Variants in ARHGAP8 observed in about 807,000 individuals in gnomAD.
The protein encoded by ARHGAP8 is rho GTPase-activating protein 8.
A neutral mutation model predicts 46.1 loss-of-function variants in ARHGAP8; 62 were observed. The ratio of observed to expected loss-of-function variants is 1.34; its 90% confidence interval spans 1.10 to 1.66. The LOEUF is 1.66. ARHGAP8 is among the 40% of genes most tolerant of loss of function. The probability of loss-of-function intolerance (pLI) is 0.00; values close to 1 mark genes in which losing one functional copy is unlikely to be tolerated. For synonymous variants in ARHGAP8, 375 were observed against 243.1 expected (o/e 1.54, Z -5.05); for missense variants, 923 against 568.4 (o/e 1.62, Z -6.34).
intron 2 of ARHGAP8, 35 bp from the exon 3 acceptor site, chr22:44,802,042 G>A (rs764904016): frequency 1.1e-5 from 18 of 1,611,080 alleles, no homozygotes; most frequent in Non-Finnish European, 1.5e-5. Context: ...CTAGGAGAAG[G>A]TGGCACAGAG....
At chr22:44,816,789 G>A (rs1371619785) in intron 5 of ARHGAP8, among the ~76,000 whole-genome samples, 3 of 121,870 alleles carry the variant, frequency 2.5e-5, no homozygotes, top group Admixed American at 8.9e-5. Context: ...TGGGCAACAA[G>A]CAAGACCCTG....
At chr22:44,810,236 CTTTTTTTTTTTTTT>C (rs58029838) in intron 4 of ARHGAP8, among the ~76,000 whole-genome samples, 1 of 98,874 alleles carries the variant, frequency 1.0e-5, no homozygotes, top group South Asian at 3.8e-4. Flanking sequence ...ATATGGCAGC[CTTTTTTTTTTTTTT>C]TTTTTTTTTG....
intron 1 of ARHGAP8, among the ~76,000 whole-genome samples, chr22:44,756,318 T>A (rs1924668419): frequency 6.6e-6 from 1 of 152,140 alleles, no homozygotes; most frequent in Admixed American, 6.5e-5. Context: ...ACAGGAAAGG[T>A]TGACCCCGTG....
intron 1 of ARHGAP8, among the ~76,000 whole-genome samples, chr22:44,785,102 G>T (rs766643706): frequency 6.6e-6 from 1 of 152,156 alleles, no homozygotes; most frequent in African/African-American, 2.4e-5. Context: ...CTCAGGCCCC[G>T]CCTCACGCTC....
At chr22:44,760,017 C>T (rs1925007813) in intron 1 of ARHGAP8, among the ~76,000 whole-genome samples, 1 of 152,132 alleles carries the variant, frequency 6.6e-6, no homozygotes, top group Non-Finnish European at 1.5e-5. Context: ...TTAGAGACCC[C>T]CTTGCCCTTT....
At chr22:44,803,695 C>T (rs1256208602) in intron 3 of ARHGAP8, among the ~76,000 whole-genome samples, 1 of 113,424 alleles carries the variant, frequency 8.8e-6, no homozygotes, top group Non-Finnish European at 1.9e-5. Flanking sequence ...ACACCCCCTC[C>T]CAGGAACACA....
In ARHGAP8 at chr22:44,861,489, T is replaced by G. The variant is rs116663231; in HGVS notation, c.982-786T>G. Among the ~76,000 whole-genome samples, 1,148 of 152,176 alleles carry G rather than the reference T, an allele frequency of 7.5e-3. 15 individuals carry two copies. The highest frequency in any genetic ancestry group is 0.026 in the African/African-American group (1,074 of 41,508). ...GCAGCCAGGGGGAGCCTGAAAGGCA[T>G]CCAGCCATCTCACCTGAGCATCCTC... On this transcript the variant is annotated intron_variant, in intron 11 of 11. Transcript: ENST00000356099.
intron 5 of ARHGAP8, among the ~76,000 whole-genome samples, chr22:44,818,085 G>A (rs907242395): frequency 2.0e-5 from 3 of 152,186 alleles, no homozygotes; most frequent in Admixed American, 6.5e-5. Context: ...CTGCACTCCA[G>A]CCTGGGCGAC....
chr22:44,779,196 T>C (rs1446450009), intron 1 of ARHGAP8, among the ~76,000 whole-genome samples: 1 of 148,124 alleles, frequency 6.8e-6, no homozygotes, highest in African/African-American at 2.5e-5. Flanking sequence ...GCCTCTTGGG[T>C]TCAAGCGATT....
chr22:44,815,198 C>T (rs1053306043), intron 5 of ARHGAP8, among the ~76,000 whole-genome samples: 8 of 152,314 alleles, frequency 5.3e-5, no homozygotes, highest in South Asian at 2.1e-4. Context: ...CTGCCCTCTC[C>T]GGGCGGATTC....
intron 1 of ARHGAP8, among the ~76,000 whole-genome samples, chr22:44,784,747 G>C (rs1927090225): frequency 6.6e-6 from 1 of 152,220 alleles, no homozygotes; most frequent in South Asian, 2.1e-4. Context: ...CCAGGGAGCG[G>C]GATGTGGACC....
At position 44,772,215 on chromosome 22, in the gene ARHGAP8, T is replaced by G. The variant is rs1175529546; in HGVS notation, c.-71-14242T>G. ...TGTTTTTATGTTTCTGTTTTACTACTGTTTTGCCTTTTTTTTTTTTTTTTT... is the reference window on the plus strand; with the variant it reads ...TGTTTTTATGTTTCTGTTTTACTACGGTTTTGCCTTTTTTTTTTTTTTTTT... On this transcript the variant is annotated intron_variant, in intron 1 of 11. Transcript: ENST00000356099. 2.0e-5 allele frequency among the ~76,000 whole-genome samples: 3 copies of G among 146,794 alleles called. No individual in the cohort carries two copies. The Admixed American group carries it at 2.1e-4, about 10-fold the overall frequency.
rs41278889 is a variant in ARHGAP8 at position 44,862,463 on chromosome 22, C to A, written c.1170C>A (p.His390Gln). 2 of 1,613,968 alleles carry A rather than the reference C, an allele frequency of 1.2e-6. No homozygotes were observed. Among genetic ancestry groups the A allele is most frequent in the East Asian group, 2.2e-5 (1 of 44,866 alleles). ...IFSTPEAPGE[H>Q]GLAPWEQGSR... ...GCACCCCGGAGGCACCTGGGGAGCA[C>A]GGCCTGGCACCATGGGAACAGGGGA... The change falls in exon 12 of 12, where the codon CAC becomes CAA. Residue 390 changes from histidine (H) to glutamine (Q), a missense_variant. By Grantham distance (24) the His-to-Gln change is conservative (BLOSUM62 0). Coordinates refer to ENST00000356099, the MANE Select transcript of ARHGAP8 (RefSeq NM_181335.3).
intron 1 of ARHGAP8, among the ~76,000 whole-genome samples, chr22:44,769,127 G>C (rs1340563423): frequency 6.6e-6 from 1 of 152,202 alleles, no homozygotes; most frequent in East Asian, 1.9e-4. Context: ...GAGGCACCGT[G>C]CCCGGCCTAA....
chr22:44,760,808 C>T (rs1193759769), intron 1 of ARHGAP8, among the ~76,000 whole-genome samples: 1 of 152,186 alleles, frequency 6.6e-6, no homozygotes, highest in African/African-American at 2.4e-5. Context: ...CTGTTCGGGT[C>T]CATGTCTAAT....
In ARHGAP8 at chr22:44,755,215, T is replaced by C. The variant is rs3788617; in HGVS notation, c.-72+2588T>C. Among the ~76,000 whole-genome samples the C allele has an allele frequency of 1.7e-4, 26 of 152,338 alleles. No individual in the cohort carries two copies. In the East Asian group the frequency reaches 3.5e-3, roughly 20 times the overall value. On this transcript the variant is annotated intron_variant, in intron 1 of 11. Transcript: ENST00000356099. ...GAGAGCCAGGCTTGGAAGCCAGCGG[T>C]GCTGCAGCTACAGTGTTCCCCGTGT...
At chr22:44,811,535 C>T (rs993046571) in intron 4 of ARHGAP8, among the ~76,000 whole-genome samples, 2 of 152,306 alleles carry the variant, frequency 1.3e-5, no homozygotes, top group East Asian at 1.9e-4. Flanking sequence ...CAGACTTGTT[C>T]TGTGTGACTC....
At chr22:44,828,680 T>C (rs5765039) in intron 7 of ARHGAP8, among the ~76,000 whole-genome samples, 136,764 of 151,472 alleles carry the variant, frequency 0.9, 62,100 homozygotes, top group Admixed American at 0.95. Context: ...CTTGAACTCC[T>C]GATCTCAAGT....
chr22:44,784,705 G>A (rs1023958298), intron 1 of ARHGAP8, among the ~76,000 whole-genome samples: 1 of 152,168 alleles, frequency 6.6e-6, no homozygotes, highest in African/African-American at 2.4e-5. Context: ...CTGCAGAATC[G>A]CTTTTGCCAC....
Sources: gnomAD v4.1 joint callset for allele counts (sites outside exome capture counted in the v4.1 genomes callset) on GRCh38, gnomAD v4.1.1 for gene constraint, MANE v1.5 for transcripts, NCBI Gene and HGNC (gene_info 2026-07-23, HGNC 2026-07-21) for gene names.